MAP2: variants seen among roughly 807,000 people sequenced by gnomAD.
MAP2 encodes microtubule associated protein 2.
Under a neutral mutation model 137.6 loss-of-function variants are expected in MAP2, and 14 were observed. The ratio of observed to expected loss-of-function variants is 0.10; its 90% CI spans 0.07 to 0.16. MAP2 has a LOEUF of 0.16. Ranked by LOEUF, MAP2 falls within the 10% of genes least tolerant of loss-of-function variation. The probability of loss-of-function intolerance (pLI) is 1.00; values close to 1 mark genes in which losing one functional copy is unlikely to be tolerated. For missense variants in MAP2, 2,088 were observed against 2,191.5 expected, an observed-to-expected ratio of 0.95 and a Z score of 0.94; for synonymous variants, 786 against 782.3, an observed-to-expected ratio of 1.00 and a Z score of -0.08.
intron 13 of MAP2, among the ~76,000 whole-genome samples, chr2:209,721,101 G>A (rs2070630996): frequency 6.6e-6 from 1 of 152,154 alleles, no homozygotes; most frequent in African/African-American, 2.4e-5. Flanking sequence ...TCTTTGGTGT[G>A]AAGTAATTTG....
At chr2:209,730,007 T>A in intron 15 of MAP2, 45 bp downstream of exon 15, 4 of 1,404,730 alleles carry the variant, frequency 2.8e-6, no homozygotes, top group South Asian at 1.2e-5. Flanking sequence ...TTAAAAAAAA[T>A]TCTTCTGAAA....
intron 5 of MAP2, among the ~76,000 whole-genome samples, chr2:209,675,627 C>CT (rs1247520556): frequency 6.6e-6 from 1 of 151,766 alleles, no homozygotes; most frequent in African/African-American, 2.4e-5. Context: ...TCCACCTCTC[C>CT]TTTTTTATTA....
chr2:209,533,965 G>A (rs1391188071), intron 2 of MAP2, among the ~76,000 whole-genome samples: 1 of 152,188 alleles, frequency 6.6e-6, no homozygotes, highest in Non-Finnish European at 1.5e-5. Context: ...TGGAGGGAAT[G>A]GGAGTTGAGT....
At chr2:209,638,782 T>C (rs1333816749) in intron 4 of MAP2, among the ~76,000 whole-genome samples, 25 of 152,174 alleles carry the variant, frequency 1.6e-4, no homozygotes, top group Admixed American at 1.6e-3. Context: ...ACATCTGCCT[T>C]TCTGAATACA....
At chr2:209,441,602 TTCCTTTTAAACAA>T (rs1370573162) in intron 1 of MAP2, among the ~76,000 whole-genome samples, 1 of 151,566 alleles carries the variant, frequency 6.6e-6, no homozygotes, top group Non-Finnish European at 1.5e-5. Flanking sequence ...ATGAGAGCCA[TTCCTTTTAAACAA>T]TGCCCAGTGC....
rs181623478 is a variant in MAP2 at position 209,459,129 on chromosome 2, T to C, written c.-222+34853T>C. Among the ~76,000 whole-genome samples, 563 of 152,330 alleles carry C rather than the reference T, an allele frequency of 3.7e-3. 3 individuals are homozygous for C. Among genetic ancestry groups the C allele is most frequent in the African/African-American group, 0.013 (524 of 41,572 alleles). ...TTCATGCCCAGTATATATAGTGTACTAATTAAGAGAATGAGTTATGTAGTC... is the reference window on the plus strand; with the variant it reads ...TTCATGCCCAGTATATATAGTGTACCAATTAAGAGAATGAGTTATGTAGTC... On this transcript the variant is annotated intron_variant, in intron 1 of 15. Coordinates refer to ENST00000682079, the MANE Select transcript of MAP2 (RefSeq NM_001375505.1).
intron 3 of MAP2, among the ~76,000 whole-genome samples, chr2:209,593,224 C>T (rs2079769058): frequency 6.6e-6 from 1 of 151,968 alleles, no homozygotes; most frequent in Non-Finnish European, 1.5e-5. Flanking sequence ...TGTAAGTTCT[C>T]TCTTCTTTCC....
At chr2:209,533,786 T>C (rs1187690149) in intron 2 of MAP2, among the ~76,000 whole-genome samples, 1 of 152,196 alleles carries the variant, frequency 6.6e-6, no homozygotes, top group African/African-American at 2.4e-5. Flanking sequence ...GATGCCACCC[T>C]CAAAGAGGAC....
intron 2 of MAP2, among the ~76,000 whole-genome samples, chr2:209,543,662 A>C (rs939977868): frequency 6.6e-6 from 1 of 152,212 alleles, no homozygotes; most frequent in Non-Finnish European, 1.5e-5. Flanking sequence ...AAAACATTCA[A>C]AACTATTTTG....
At chr2:209,428,906 T>C (rs1693339099) in intron 1 of MAP2, among the ~76,000 whole-genome samples, 2 of 151,450 alleles carry the variant, frequency 1.3e-5, no homozygotes, top group Non-Finnish European at 2.9e-5. Context: ...TAGCCTTCTT[T>C]GAATTACTTT....
At chr2:209,723,050 T>C (rs976272248) in intron 13 of MAP2, among the ~76,000 whole-genome samples, 2 of 152,070 alleles carry the variant, frequency 1.3e-5, no homozygotes, top group African/African-American at 4.8e-5. Flanking sequence ...AAACCGGGGG[T>C]TCTTACCCTA....
At chr2:209,474,853 CAT>C (rs1365490141) in intron 1 of MAP2, among the ~76,000 whole-genome samples, 1 of 152,028 alleles carries the variant, frequency 6.6e-6, no homozygotes, top group East Asian at 1.9e-4. Context: ...ATGAGGAAAA[CAT>C]ATATATTTTT....
intron 2 of MAP2, among the ~76,000 whole-genome samples, chr2:209,534,921 A>G (rs959461680): frequency 7.9e-5 from 12 of 152,196 alleles, no homozygotes; most frequent in Admixed American, 6.5e-5. Flanking sequence ...TAATTCATAT[A>G]CCATATAATT....
At chr2:209,712,109 G>T (rs2065706554) in intron 13 of MAP2, among the ~76,000 whole-genome samples, 1 of 152,034 alleles carries the variant, frequency 6.6e-6, no homozygotes, top group Middle Eastern at 3.2e-3. Context: ...CAAAAAGAAT[G>T]GTTTTAGCCC....
At chr2:209,447,478 C>T (rs1699341212) in intron 1 of MAP2, among the ~76,000 whole-genome samples, 1 of 152,084 alleles carries the variant, frequency 6.6e-6, no homozygotes. Flanking sequence ...CTGAAATCTC[C>T]TTTGCTAGCA....
At chr2:209,595,067 G>A (rs1024709054) in intron 3 of MAP2, among the ~76,000 whole-genome samples, 3 of 152,196 alleles carry the variant, frequency 2.0e-5, no homozygotes, top group African/African-American at 7.2e-5. Flanking sequence ...GAAATTATAT[G>A]GTGGTAGCAG....
chr2:209,617,298 A>G (rs372530263), intron 3 of MAP2, among the ~76,000 whole-genome samples: 157 of 152,278 alleles, frequency 1.0e-3, no homozygotes, highest in South Asian at 3.7e-3. Context: ...ACATTAGCCA[A>G]TGAGCAGAGT....
rs774269648 is a variant in MAP2, at chr2:209,629,559, G to A, written c.-30+4430G>A. ...TACTACTTCATCAGCATTCAACTCC[G>A]CTCCGTGGCACTCTGTGTGAATAAT... is the stretch of plus-strand genomic sequence containing the variant. On this transcript the variant is annotated intron_variant, in intron 4 of 15. Transcript: ENST00000682079. Among the ~76,000 whole-genome samples the A allele has an allele frequency of 4.2e-4, 64 of 152,124 alleles. 1 individual carries two copies. Among genetic ancestry groups the A allele is most frequent in the Non-Finnish European group, 7.9e-4 (54 of 68,020 alleles).
intron 2 of MAP2, among the ~76,000 whole-genome samples, chr2:209,514,661 A>G (rs1199429391): frequency 1.3e-5 from 2 of 152,138 alleles, no homozygotes; most frequent in African/African-American, 4.8e-5. Context: ...AATAAAATTA[A>G]TGAATTTCTT....
Sources: gnomAD v4.1 joint callset for allele counts (sites outside exome capture counted in the v4.1 genomes callset) on GRCh38, gnomAD v4.1.1 for gene constraint, MANE v1.5 for transcripts, NCBI Gene and HGNC (gene_info 2026-07-23, HGNC 2026-07-21) for gene names.